The following EPHB1 variants were observed in gnomAD, a reference collection of about 807,000 sequenced individuals.
EPHB1 encodes ephrin type-B receptor 1.
Under a neutral mutation model 94.4 loss-of-function variants are expected in EPHB1, and 30 were observed. That is an observed-to-expected ratio of 0.32 (90% CI 0.24 to 0.43). The LOEUF (loss-of-function observed/expected upper bound fraction) is 0.43. EPHB1 is among the 20% of genes least tolerant of loss of function. The probability of loss-of-function intolerance (pLI) is 1.00; values close to 1 mark genes in which losing one functional copy is unlikely to be tolerated. For missense variants in EPHB1, 1,055 were observed against 1,308.3 expected (o/e 0.81, Z 2.99); for synonymous variants, 522 against 489.1 (o/e 1.07, Z -0.89).
At chr3:134,970,685 C>G (rs1258497132) in intron 3 of EPHB1, among the ~76,000 whole-genome samples, 1 of 151,974 alleles carries the variant, frequency 6.6e-6, no homozygotes, top group Non-Finnish European at 1.5e-5. Flanking sequence ...GGCTGGAGTC[C>G]CCTAGGCCAC....
chr3:135,129,152 A>C (rs1295876242), intron 4 of EPHB1, among the ~76,000 whole-genome samples: 1 of 151,132 alleles, frequency 6.6e-6, no homozygotes, highest in Non-Finnish European at 1.5e-5. Context: ...GCTGCTTTAT[A>C]TGAAGACGTT....
At chr3:135,053,708 T>G (rs1038968708) in intron 3 of EPHB1, among the ~76,000 whole-genome samples, 7 of 152,284 alleles carry the variant, frequency 4.6e-5, no homozygotes, top group Admixed American at 1.3e-4. Context: ...AAAGTTAAGC[T>G]GGGCATGGTG....
At chr3:134,915,289 C>A (rs1002019093) in intron 1 of EPHB1, among the ~76,000 whole-genome samples, 1 of 152,148 alleles carries the variant, frequency 6.6e-6, no homozygotes, top group Non-Finnish European at 1.5e-5. Context: ...TAGAGTATGA[C>A]GGACCCCTCA....
At chr3:135,154,486 AAACT>A in intron 6 of EPHB1, 2 of 557,046 alleles carry the variant, frequency 3.6e-6, no homozygotes, top group South Asian at 2.6e-5. Context: ...CTAAGGAGAG[AAACT>A]TCCAGTCCAC....
At chr3:135,022,105 G>A (rs549770033) in intron 3 of EPHB1, among the ~76,000 whole-genome samples, 138 of 152,124 alleles carry the variant, frequency 9.1e-4, no homozygotes, top group African/African-American at 3.1e-3. Flanking sequence ...CCAGCCTCCC[G>A]AGTAGCTGGG....
At chr3:135,130,361 T>C (rs1349390244) in intron 4 of EPHB1, among the ~76,000 whole-genome samples, 1 of 152,152 alleles carries the variant, frequency 6.6e-6, no homozygotes, top group Non-Finnish European at 1.5e-5. Flanking sequence ...GTTCCCTGGA[T>C]TTGTCACATA....
At chr3:135,084,667 C>G (rs888757184) in intron 3 of EPHB1, among the ~76,000 whole-genome samples, 2 of 152,170 alleles carry the variant, frequency 1.3e-5, no homozygotes, top group Non-Finnish European at 1.5e-5. Context: ...AGGTTCAGCT[C>G]CCTCATTCCC....
At position 135,174,702 on chromosome 3, in the gene EPHB1, T is replaced by C. The variant is rs1438980449; in HGVS notation, c.1760-5158T>C. On this transcript the variant is annotated intron_variant, in intron 9 of 15. Transcript: ENST00000398015. ...TTGATCAACATACTGAGGCAGAAGA[T>C]TGGATGAAGTCCCTGTATGTAAAGA... 5.3e-5 allele frequency among the ~76,000 whole-genome samples: 8 copies of C among 152,330 alleles called. No homozygotes were observed. In the East Asian group the frequency reaches 1.3e-3, roughly 26 times the overall value.
intron 1 of EPHB1, among the ~76,000 whole-genome samples, chr3:134,801,385 A>G (rs1220963732): frequency 6.6e-6 from 1 of 152,144 alleles, no homozygotes; most frequent in Non-Finnish European, 1.5e-5. Flanking sequence ...CCCAAAGGAG[A>G]TGAACCTGGG....
At chr3:135,256,123 A>C (rs1933373236) in intron 15 of EPHB1, among the ~76,000 whole-genome samples, 1 of 152,164 alleles carries the variant, frequency 6.6e-6, no homozygotes, top group African/African-American at 2.4e-5. Flanking sequence ...TTTGCACATG[A>C]GATGGGTTTC....
chr3:135,164,140 T>C (rs1027070399), intron 7 of EPHB1, among the ~76,000 whole-genome samples: 1 of 152,230 alleles, frequency 6.6e-6, no homozygotes, highest in African/African-American at 2.4e-5. Context: ...GGATGCTTCA[T>C]TGGGGTTCCC....
chr3:135,192,254 C>T (rs1942472950), intron 10 of EPHB1, among the ~76,000 whole-genome samples: 1 of 24,172 alleles, frequency 4.1e-5, no homozygotes, highest in Admixed American at 3.4e-4. Context: ...CTGACCATTT[C>T]ATTTCAATTA....
At chr3:135,055,757 A>G (rs1559812255) in intron 3 of EPHB1, among the ~76,000 whole-genome samples, 1 of 152,158 alleles carries the variant, frequency 6.6e-6, no homozygotes, top group African/African-American at 2.4e-5. Context: ...GTCGCAACAC[A>G]AGCCTGGCAC....
intron 3 of EPHB1, among the ~76,000 whole-genome samples, chr3:135,052,955 A>T (rs185563151): frequency 3.3e-4 from 36 of 110,590 alleles, no homozygotes; most frequent in Middle Eastern, 5.2e-3. Context: ...ATATATATAT[A>T]TGTGTGTATA....
intron 1 of EPHB1, among the ~76,000 whole-genome samples, chr3:134,911,209 A>G (rs894478772): frequency 6.6e-5 from 10 of 152,150 alleles, no homozygotes; most frequent in African/African-American, 2.4e-4. Context: ...AGTGCAAGGT[A>G]CTCTGCAAGG....
At chr3:135,133,486 G>T (rs1488483026) in intron 5 of EPHB1, among the ~76,000 whole-genome samples, 2 of 152,190 alleles carry the variant, frequency 1.3e-5, no homozygotes, top group Admixed American at 6.5e-5. Context: ...GTGAGTGGAG[G>T]CACTGAAAGA....
intron 12 of EPHB1, among the ~76,000 whole-genome samples, chr3:135,239,524 C>T (rs1478422818): frequency 2.0e-5 from 3 of 152,104 alleles, no homozygotes; most frequent in Non-Finnish European, 2.9e-5. Flanking sequence ...TGGAGAGAGA[C>T]AGAGCCTAAG....
rs1941525865 is a variant in EPHB1, at chr3:135,162,131, T to C, written c.1536T>C (p.Ala512=). ...TACAGGTGCGTGCCCGCACTGTTGCTGGCTACGGCAAGTTCAGTGGCAAGA... is the reference window on the plus strand; with the variant it reads ...TACAGGTGCGTGCCCGCACTGTTGCCGGCTACGGCAAGTTCAGTGGCAAGA... ...YVVQVRARTV[A]GYGKFSGKMC... is the part of the protein sequence containing the mutation. The change falls in exon 7 of 16, where the codon GCT becomes GCC. Residue 512 remains alanine, a synonymous_variant. Transcript: ENST00000398015. 3.1e-6 allele frequency: 5 copies of C among 1,611,850 alleles called. No individual in the cohort carries two copies. In the East Asian group the frequency reaches 1.1e-4, roughly 36 times the overall value.
intron 11 of EPHB1, among the ~76,000 whole-genome samples, chr3:135,195,273 T>C (rs1942566352): frequency 6.6e-6 from 1 of 152,090 alleles, no homozygotes; most frequent in South Asian, 2.1e-4. Context: ...TTCATTCTCA[T>C]GAGCCTGCGG....
Sources: gnomAD v4.1 joint callset for allele counts (sites outside exome capture counted in the v4.1 genomes callset) on GRCh38, gnomAD v4.1.1 for gene constraint, MANE v1.5 for transcripts, NCBI Gene and HGNC (gene_info 2026-07-23, HGNC 2026-07-21) for gene names.